DTWD2: variants seen among roughly 807,000 people sequenced by gnomAD.
The protein encoded by DTWD2 is DTW motif tRNA-uridine aminocarboxypropyltransferase 2.
A neutral mutation model predicts 31.8 loss-of-function variants in DTWD2; 39 were observed. The observed-to-expected ratio is 1.22, with a 90% CI of 0.95 to 1.60. The LOEUF (loss-of-function observed/expected upper bound fraction) is 1.60, where lower values mean the gene tolerates loss of function less well. Ranked by LOEUF, DTWD2 falls within the 40% of genes most tolerant of loss-of-function variation. DTWD2 has a pLI of 0.00. For synonymous variants in DTWD2, 180 were observed against 142.8 expected, an observed-to-expected ratio of 1.26 and a Z score of -1.86; for missense variants, 515 against 381.5, an observed-to-expected ratio of 1.35 and a Z score of -2.92.
chr5:118,955,718 C>G (rs1285424440), intron 1 of DTWD2, among the ~76,000 whole-genome samples: 2 of 151,786 alleles, frequency 1.3e-5, no homozygotes, highest in African/African-American at 4.8e-5. Flanking sequence ...TCACTTGAGC[C>G]CACTTTGAGG....
intron 4 of DTWD2, among the ~76,000 whole-genome samples, chr5:118,920,858 G>C (rs919605033): frequency 2.6e-5 from 4 of 152,042 alleles, no homozygotes; most frequent in Non-Finnish European, 4.4e-5. Context: ...ACCTGTGTTA[G>C]TAAACTTGGA....
intron 1 of DTWD2, among the ~76,000 whole-genome samples, chr5:118,965,999 A>G (rs1754839115): frequency 6.6e-6 from 1 of 152,012 alleles, no homozygotes; most frequent in Admixed American, 6.5e-5. Flanking sequence ...GATGCCAGGA[A>G]GAAGTATCTC....
intron 4 of DTWD2, among the ~76,000 whole-genome samples, chr5:118,918,473 G>GAA (rs1554066863): frequency 1.2e-5 from 1 of 83,270 alleles, no homozygotes; most frequent in Non-Finnish European, 2.3e-5. Flanking sequence ...CGTCTCAAGA[G>GAA]AAAAAAAAAA....
At chr5:118,915,061 A>T (rs1429106324) in intron 4 of DTWD2, among the ~76,000 whole-genome samples, 1 of 152,088 alleles carries the variant, frequency 6.6e-6, no homozygotes, top group East Asian at 1.9e-4. Flanking sequence ...TACTAAAAAT[A>T]CAAAAATTAG....
chr5:118,973,866 T>A (rs11957794), intron 1 of DTWD2: 2 of 1,611,624 alleles, frequency 1.2e-6, no homozygotes, highest in African/African-American at 2.7e-5. Context: ...AAGGAAGTTG[T>A]GGAAGAGGCA....
intron 4 of DTWD2, among the ~76,000 whole-genome samples, chr5:118,920,283 T>C (rs1015159223): frequency 2.6e-5 from 4 of 152,096 alleles, no homozygotes; most frequent in Non-Finnish European, 4.4e-5. Flanking sequence ...TATATTACAC[T>C]GTCATCCTGT....
chr5:118,892,471 T>C (rs975791572), intron 4 of DTWD2, among the ~76,000 whole-genome samples: 1 of 152,170 alleles, frequency 6.6e-6, no homozygotes, highest in African/African-American at 2.4e-5. Flanking sequence ...CAGAAATTGT[T>C]CTACATCTTT....
At chr5:118,926,709 G>T (rs1407336916) in intron 4 of DTWD2, among the ~76,000 whole-genome samples, 1 of 151,856 alleles carries the variant, frequency 6.6e-6, no homozygotes, top group African/African-American at 2.4e-5. Context: ...AAAAGAAAGT[G>T]ATTTTTTTTT....
intron 5 of DTWD2, among the ~76,000 whole-genome samples, chr5:118,843,499 A>C (rs1751775265): frequency 6.6e-6 from 1 of 152,320 alleles, no homozygotes; most frequent in South Asian, 2.1e-4. Flanking sequence ...AAGAGAGGGA[A>C]TGCTAAAATA....
Position 118,975,698 on chromosome 5 carries a change from T to C in DTWD2, c.218+12596A>G, listed in dbSNP as rs1185740602. Among the ~76,000 whole-genome samples, 3 of 152,176 alleles carry C rather than the reference T, an allele frequency of 2.0e-5. No individual in the cohort carries two copies. In the East Asian group the frequency reaches 5.8e-4, roughly 29 times the overall value. On this transcript the variant is annotated intron_variant, in intron 1 of 5. Coordinates refer to ENST00000510708, the MANE Select transcript of DTWD2 (RefSeq NM_173666.4). ...TTTGGTCTTTGACGCTGGTGACCTT[T>C]GGATGGGGTTTCTGTAAGAGACTTA...
chr5:118,846,019 T>C (rs551411384), intron 5 of DTWD2, among the ~76,000 whole-genome samples: 115 of 152,292 alleles, frequency 7.6e-4, no homozygotes, highest in African/African-American at 2.6e-3. Context: ...CAACGTAAAG[T>C]TGTCCTAACT....
At chr5:118,847,420 GTTTTA>G (rs1177875419) in intron 5 of DTWD2, among the ~76,000 whole-genome samples, 3 of 151,936 alleles carry the variant, frequency 2.0e-5, no homozygotes, top group Non-Finnish European at 4.4e-5. Flanking sequence ...AACAATTTAG[GTTTTA>G]TTTTACTATT....
At chr5:118,844,088 G>A (rs1047274792) in intron 5 of DTWD2, among the ~76,000 whole-genome samples, 1 of 152,174 alleles carries the variant, frequency 6.6e-6, no homozygotes, top group Non-Finnish European at 1.5e-5. Context: ...AGGTCCTCAG[G>A]GTAATCCCAC....
At position 118,939,138 on chromosome 5, in the gene DTWD2, C is replaced by G. The variant is rs1252230831; in HGVS notation, c.404+58G>C. ...CTGAAAGAAATAAGCTGAAAGAAAC[C>G]ATTTTTTAAGATCTGTGTAGAAAAG... On this transcript the variant is annotated intron_variant, in intron 3 of 5. Coordinates refer to ENST00000510708, the MANE Select transcript of DTWD2 (RefSeq NM_173666.4). 1.3e-5 allele frequency: 19 copies of G among 1,498,092 alleles called. 1 individual carries two copies. The highest frequency in any genetic ancestry group is 9.0e-6 in the Non-Finnish European group (10 of 1,112,726). 92.8% of individuals were successfully genotyped at this position (1,498,092 alleles called of 1,614,324 possible). A position where few individuals can be genotyped will look rare whatever the true frequency, so the allele number is the denominator to read the frequency against.
intron 4 of DTWD2, among the ~76,000 whole-genome samples, chr5:118,882,488 G>C (rs1752762992): frequency 6.6e-6 from 1 of 152,196 alleles, no homozygotes; most frequent in Non-Finnish European, 1.5e-5. Flanking sequence ...TCTGTGTGGG[G>C]GCTCCAAACC....
At chr5:118,959,318 C>T (rs114637446) in intron 1 of DTWD2, among the ~76,000 whole-genome samples, 1,611 of 151,964 alleles carry the variant, frequency 0.011, 25 homozygotes, top group African/African-American at 0.036. Context: ...CCAAGCTGAG[C>T]GCCAAATCAA....
intron 1 of DTWD2, among the ~76,000 whole-genome samples, chr5:118,954,247 G>A (rs1020015752): frequency 9.2e-5 from 14 of 152,060 alleles, no homozygotes; most frequent in African/African-American, 2.4e-5. Flanking sequence ...CTCCAGCCTG[G>A]GCAACAGAGA....
chr5:118,894,891 A>G (rs1753048421), intron 4 of DTWD2, among the ~76,000 whole-genome samples: 1 of 152,152 alleles, frequency 6.6e-6, no homozygotes, highest in South Asian at 2.1e-4. Context: ...TCACAAAACC[A>G]CAGCTATTAT....
At chr5:118,964,076 G>A (rs1051564660) in intron 1 of DTWD2, among the ~76,000 whole-genome samples, 7 of 152,046 alleles carry the variant, frequency 4.6e-5, no homozygotes, top group Non-Finnish European at 1.0e-4. Flanking sequence ...CAGGCGTGGT[G>A]GCTCACGCTT....
Sources: allele counts gnomAD v4.1 joint callset (sites outside exome capture counted in the v4.1 genomes callset), GRCh38; gene constraint gnomAD v4.1.1; transcripts MANE v1.5; gene names NCBI Gene and HGNC (gene_info 2026-07-23, HGNC 2026-07-21).